The following RGL1 variants were observed in gnomAD, a reference collection of about 807,000 sequenced individuals.
RGL1 encodes the protein ral guanine nucleotide dissociation stimulator-like 1.
A neutral mutation model predicts 95.2 loss-of-function variants in RGL1; 24 were observed. The observed-to-expected ratio is 0.25, with a 90% CI of 0.18 to 0.35. RGL1 has a LOEUF of 0.35. RGL1 is among the 10% of genes least tolerant of loss of function. RGL1 has a pLI of 1.00. For synonymous variants in RGL1, 329 were observed against 344.9 expected, an observed-to-expected ratio of 0.95 and a Z score of 0.51; for missense variants, 715 against 936.3, an observed-to-expected ratio of 0.76 and a Z score of 3.08.
intron 2 of RGL1, among the ~76,000 whole-genome samples, chr1:183,748,821 C>T (rs1469786951): frequency 6.6e-6 from 1 of 152,140 alleles, no homozygotes; most frequent in Non-Finnish European, 1.5e-5. Context: ...TACATTGTAT[C>T]TTTGTTCTCA....
intron 2 of RGL1, among the ~76,000 whole-genome samples, chr1:183,783,697 A>C (rs1299038421): frequency 3.9e-5 from 6 of 152,218 alleles, no homozygotes; most frequent in African/African-American, 1.2e-4. Context: ...TTCTTAGGGA[A>C]ATAAGACATT....
chr1:183,652,664 C>T (rs1205639783), intron 1 of RGL1, among the ~76,000 whole-genome samples: 1 of 152,220 alleles, frequency 6.6e-6, no homozygotes, highest in Non-Finnish European at 1.5e-5. Flanking sequence ...TTGATTGGCT[C>T]ACAAGCCAGG....
At chr1:183,641,905 T>A (rs1344502637) in intron 1 of RGL1, among the ~76,000 whole-genome samples, 2 of 152,242 alleles carry the variant, frequency 1.3e-5, no homozygotes, top group Non-Finnish European at 2.9e-5. Flanking sequence ...ATCATGCATC[T>A]CATCTACATT....
intron 1 of RGL1, among the ~76,000 whole-genome samples, chr1:183,645,218 A>T (rs1650201719): frequency 6.6e-6 from 1 of 150,570 alleles, no homozygotes; most frequent in Non-Finnish European, 1.5e-5. Flanking sequence ...ATCCAGTTAT[A>T]AGTCTTACTA....
chr1:183,679,148 C>G lies in RGL1; in HGVS notation c.-33+42647C>G, dbSNP rs1213682891. Among the ~76,000 whole-genome samples the G allele has an allele frequency of 2.6e-5, 4 of 152,162 alleles. No individual in the cohort carries two copies. The East Asian group carries it at 7.7e-4, about 29-fold the overall frequency. ...GCAGAGCCTAAAACTTAGTCTTTCC[C>G]TTGTAGAACCTTTTAAATTTCTACC... On this transcript the variant is annotated intron_variant, in intron 1 of 18. Coordinates refer to the RGL1 transcript ENST00000304685.
intron 2 of RGL1, among the ~76,000 whole-genome samples, chr1:183,834,858 T>TG: frequency 6.6e-6 from 1 of 151,636 alleles, no homozygotes; most frequent in Non-Finnish European, 1.5e-5. Context: ...ATTTTCTAAT[T>TG]TTTTTTTACA....
At chr1:183,660,646 C>T in intron 1 of RGL1, among the ~76,000 whole-genome samples, 1 of 151,364 alleles carries the variant, frequency 6.6e-6, no homozygotes, top group Non-Finnish European at 1.5e-5. Flanking sequence ...TTAGACAGAT[C>T]AACGAGACAG....
intron 1 of RGL1, among the ~76,000 whole-genome samples, chr1:183,677,337 C>T (rs1214561308): frequency 6.6e-6 from 1 of 151,600 alleles, no homozygotes; most frequent in Non-Finnish European, 1.5e-5. Flanking sequence ...TTCACCTGAG[C>T]CCGCTGCCCA....
At position 183,916,632 on chromosome 1, in the gene RGL1, G is replaced by C; in HGVS notation, c.1935G>C (p.Gln645His). 1.2e-6 allele frequency: 2 copies of C among 1,613,816 alleles called. No homozygotes were observed. The highest frequency in any genetic ancestry group is 1.7e-6 in the Non-Finnish European group (2 of 1,179,984). ...TGCTGCCTCCTGTTTACAACCAACA[G>C]AATGAAGACACCTGCATAATCCGCA... is the stretch of plus-strand genomic sequence containing the variant. ...STVLPPVYNQQNEDTCIIRIS... is the reference protein window; with the variant it reads ...STVLPPVYNQHNEDTCIIRIS... The change falls in exon 16 of 18, where the codon CAG becomes CAC. Residue 645 changes from glutamine to histidine, a missense_variant. Around this residue, in one of 3 missense-constraint regions of RGL1, gnomAD observed 330 missense variants for 429.6 expected, o/e 0.77. Transcript: ENST00000360851.
chr1:183,672,208 C>G (rs796264420), intron 1 of RGL1, among the ~76,000 whole-genome samples: 1 of 152,262 alleles, frequency 6.6e-6, no homozygotes, highest in East Asian at 1.9e-4. Context: ...GCTGGGATTA[C>G]AAGCATGAGC....
intron 4 of RGL1, among the ~76,000 whole-genome samples, chr1:183,873,723 C>T (rs1394697582): frequency 2.0e-5 from 3 of 152,164 alleles, no homozygotes; most frequent in Non-Finnish European, 4.4e-5. Flanking sequence ...ATTTCCATTG[C>T]TCTATGCTGT....
At chr1:183,730,366 C>A (rs1440765258) in intron 1 of RGL1, among the ~76,000 whole-genome samples, 1 of 152,126 alleles carries the variant, frequency 6.6e-6, no homozygotes, top group Non-Finnish European at 1.5e-5. Context: ...GAGGAAGGTG[C>A]TAACATGGTG....
At chr1:183,767,948 G>A (rs1409634874) in intron 2 of RGL1, among the ~76,000 whole-genome samples, 2 of 128,846 alleles carry the variant, frequency 1.6e-5, no homozygotes, top group Non-Finnish European at 1.8e-5. Flanking sequence ...GTGAGACTCC[G>A]TCTCAAAGAA....
chr1:183,697,247 C>G (rs1017720601), intron 1 of RGL1, among the ~76,000 whole-genome samples: 1 of 152,170 alleles, frequency 6.6e-6, no homozygotes, highest in Non-Finnish European at 1.5e-5. Context: ...GATACCTTAT[C>G]AGTGAGGCCT....
chr1:183,684,037 T>G, intron 1 of RGL1, among the ~76,000 whole-genome samples: 1 of 152,204 alleles, frequency 6.6e-6, no homozygotes, highest in Non-Finnish European at 1.5e-5. Flanking sequence ...TGTTCTTCTC[T>G]AAACTGGTTA....
intron 1 of RGL1, among the ~76,000 whole-genome samples, chr1:183,739,377 T>C (rs962364355): frequency 3.3e-5 from 5 of 152,204 alleles, no homozygotes; most frequent in African/African-American, 1.2e-4. Context: ...AGGATGGAGC[T>C]GAAGGCTTTC....
intron 2 of RGL1, among the ~76,000 whole-genome samples, chr1:183,767,228 CAAAAA>C (rs11300092): frequency 2.9e-5 from 3 of 102,292 alleles, no homozygotes; most frequent in African/African-American, 3.7e-5. Context: ...GACCCTGTCT[CAAAAA>C]AAAAAAAAAA....
chr1:183,691,498 A>C (rs1653941517), intron 1 of RGL1, among the ~76,000 whole-genome samples: 1 of 152,254 alleles, frequency 6.6e-6, no homozygotes, highest in African/African-American at 2.4e-5. Flanking sequence ...TGCAATAAAA[A>C]AGAGTTTCAT....
chr1:183,904,014 A>G (rs899039118), intron 12 of RGL1, among the ~76,000 whole-genome samples: 1 of 152,162 alleles, frequency 6.6e-6, no homozygotes, highest in African/African-American at 2.4e-5. Context: ...ATGATAATAA[A>G]TTCAGTTATT....
Sources: gnomAD v4.1 joint callset for allele counts (sites outside exome capture counted in the v4.1 genomes callset) on GRCh38, gnomAD v4.1.1 for gene constraint, gnomAD v4.1.1 regional missense constraint, MANE v1.5 for transcripts, NCBI Gene and HGNC (gene_info 2026-07-23, HGNC 2026-07-21) for gene names.